The following ELOVL7 variants were observed in gnomAD, a reference collection of about 807,000 sequenced individuals.
ELOVL7 encodes the protein very long chain fatty acid elongase 7.
Under a neutral mutation model 35.7 loss-of-function variants are expected in ELOVL7, and 27 were observed. The ratio of observed to expected loss-of-function variants is 0.76; its 90% confidence interval spans 0.56 to 1.04. ELOVL7 has a LOEUF of 1.04. Among genes scored for constraint, ELOVL7 ranks in the 50% least tolerant of loss-of-function variants. ELOVL7 has a pLI of 0.00. For missense variants in ELOVL7, 327 were observed against 340.8 expected (o/e 0.96, Z 0.32); for synonymous variants, 113 against 114.6 (o/e 0.99, Z 0.09).
intron 4 of ELOVL7, among the ~76,000 whole-genome samples, chr5:60,770,776 C>A (rs1742532193): frequency 2.0e-5 from 3 of 152,180 alleles, no homozygotes; most frequent in Admixed American, 2.0e-4. Context: ...CGGCTCATTG[C>A]AGCCTTGACC....
rs1744701987 is a variant in ELOVL7, at chr5:60,802,436, A to G, written c.-85-3206T>C. Among the ~76,000 whole-genome samples the G allele has an allele frequency of 3.3e-5, 5 of 152,276 alleles. No homozygotes were observed. In the South Asian group the frequency reaches 1.0e-3, roughly 32 times the overall value. On this transcript the variant is annotated intron_variant, in intron 1 of 8. Coordinates refer to ENST00000508821, the MANE Select transcript of ELOVL7 (RefSeq NM_024930.3). ...TGACAACATGAGCAACAGGCATAAA[A>G]TACATGACAAAGGATTCAGTTAAAG...
chr5:60,767,898 C>G lies in ELOVL7; in HGVS notation c.261G>C (p.Val87=), dbSNP rs371579989. ...LFSVYMCYEF[V]MSGWGIGYSF... Reference sequence around the variant, plus strand: ...AATAACCTATACCCCAGCCAGACATCACAAACTGCAAGAGAGCACATGCAT... The same window carrying G: ...AATAACCTATACCCCAGCCAGACATGACAAACTGCAAGAGAGCACATGCAT... The change falls in exon 5 of 9, where the codon GTG becomes GTC. Residue 87 remains valine, a synonymous_variant. Transcript: ENST00000508821. 1.9e-6 allele frequency: 3 copies of G among 1,613,342 alleles called. No homozygotes were observed. Among genetic ancestry groups the G allele is most frequent in the African/African-American group, 2.7e-5 (2 of 75,020 alleles).
chr5:60,762,279 A>G (rs544497260), intron 7 of ELOVL7, among the ~76,000 whole-genome samples: 1 of 148,472 alleles, frequency 6.7e-6, no homozygotes, highest in East Asian at 2.0e-4. Context: ...ACCCTGGACA[A>G]CAAGAGTGAA....
intron 2 of ELOVL7, among the ~76,000 whole-genome samples, chr5:60,797,204 G>A (rs754790845): frequency 7.2e-5 from 11 of 152,062 alleles, no homozygotes; most frequent in Non-Finnish European, 1.5e-4. Flanking sequence ...GTGTGTATGC[G>A]GCAATATATA....
At chr5:60,839,266 G>T (rs780122936) in intron 1 of ELOVL7, among the ~76,000 whole-genome samples, 1 of 151,664 alleles carries the variant, frequency 6.6e-6, no homozygotes, top group Non-Finnish European at 1.5e-5. Flanking sequence ...GAGAATCACC[G>T]AACCTGGGAG....
intron 1 of ELOVL7, among the ~76,000 whole-genome samples, chr5:60,824,844 A>G (rs970127943): frequency 6.6e-6 from 1 of 152,082 alleles, no homozygotes; most frequent in Non-Finnish European, 1.5e-5. Flanking sequence ...AAATGCACCA[A>G]TATTTTCCCA....
At chr5:60,804,774 C>T (rs1273391038) in intron 1 of ELOVL7, among the ~76,000 whole-genome samples, 1 of 152,222 alleles carries the variant, frequency 6.6e-6, no homozygotes, top group Non-Finnish European at 1.5e-5. Flanking sequence ...TGCTCCATTT[C>T]TTAGGCCTTC....
chr5:60,755,937 G>A (rs1174900182), intron 8 of ELOVL7, among the ~76,000 whole-genome samples: 10 of 152,094 alleles, frequency 6.6e-5, no homozygotes. Flanking sequence ...TCATGGTTAA[G>A]ATTTTCATAT....
intron 1 of ELOVL7, among the ~76,000 whole-genome samples, chr5:60,802,174 T>C (rs1434202448): frequency 6.7e-6 from 1 of 149,182 alleles, no homozygotes; most frequent in East Asian, 1.9e-4. Context: ...AGGACTCTAA[T>C]ACAGACTTGT....
intron 2 of ELOVL7, among the ~76,000 whole-genome samples, chr5:60,796,293 C>G (rs1406152366): frequency 6.6e-6 from 1 of 152,192 alleles, no homozygotes; most frequent in Non-Finnish European, 1.5e-5. Flanking sequence ...AGGAAAGTGA[C>G]CAGCAGCTCT....
intron 1 of ELOVL7, among the ~76,000 whole-genome samples, chr5:60,841,372 A>G (rs976547804): frequency 2.6e-5 from 4 of 152,218 alleles, no homozygotes; most frequent in African/African-American, 4.8e-5. Flanking sequence ...GAAAATATGC[A>G]TAGAAAAAAA....
intron 3 of ELOVL7, among the ~76,000 whole-genome samples, chr5:60,781,275 T>A (rs1210560642): frequency 6.6e-6 from 1 of 151,876 alleles, no homozygotes; most frequent in African/African-American, 2.4e-5. Context: ...GGATGTTACA[T>A]CACCACCTTT....
At chr5:60,814,038 A>G (rs1745384813) in intron 1 of ELOVL7, among the ~76,000 whole-genome samples, 2 of 152,190 alleles carry the variant, frequency 1.3e-5, no homozygotes, top group African/African-American at 2.4e-5. Context: ...GAGATTCAAA[A>G]GCAAGGTGGC....
At chr5:60,826,106 C>T (rs1746155559) in intron 1 of ELOVL7, among the ~76,000 whole-genome samples, 1 of 152,036 alleles carries the variant, frequency 6.6e-6, no homozygotes, top group African/African-American at 2.4e-5. Flanking sequence ...TACATATACA[C>T]CAAATAGTAC....
intron 7 of ELOVL7, among the ~76,000 whole-genome samples, 200 bp downstream of exon 7, chr5:60,764,027 G>T (rs907435813): frequency 6.6e-6 from 1 of 152,076 alleles, no homozygotes; most frequent in Non-Finnish European, 1.5e-5. Flanking sequence ...CAGAAGTTAT[G>T]TATATCTAAA....
chr5:60,838,249 C>T (rs961964660), intron 1 of ELOVL7, among the ~76,000 whole-genome samples: 5 of 152,256 alleles, frequency 3.3e-5, no homozygotes, highest in Admixed American at 3.3e-4. Context: ...TCTCCCTGAT[C>T]GCACCTGCAC....
In ELOVL7 at chr5:60,827,353, A is replaced by G. The variant is rs1228101359; in HGVS notation, c.-86+16807T>C. Reference sequence around the variant, plus strand: ...TATTTCCTCAATGTAGGTTCCTCCAACTATGGCCCTTTCAAACAACAGCTG... The same window carrying G: ...TATTTCCTCAATGTAGGTTCCTCCAGCTATGGCCCTTTCAAACAACAGCTG... On this transcript the variant is annotated intron_variant, in intron 1 of 8. Transcript: ENST00000508821. Among the ~76,000 whole-genome samples the G allele has an allele frequency of 2.0e-5, 3 of 152,212 alleles. No homozygotes were observed. In the South Asian group the frequency reaches 6.2e-4, roughly 31 times the overall value.
rs770767910 is a variant in ELOVL7, at chr5:60,772,080, T to C, written c.78A>G (p.Glu26=). 1.7e-5 allele frequency: 27 copies of C among 1,607,632 alleles called. No homozygotes were observed. The change falls in exon 4 of 9, where the codon GAA becomes GAG. Residue 26 remains glutamate (E), a synonymous_variant. Coordinates refer to ENST00000508821, the MANE Select transcript of ELOVL7 (RefSeq NM_024930.3). ...NWIKDADPRV[E]DWLLMSSPLP... ...GAGGCGAGGACATGAGGAGCCAATC[T>C]TCAACTCTTGGATCTAAGAGAAAAA...
chr5:60,804,697 C>A (rs2112298597), intron 1 of ELOVL7, among the ~76,000 whole-genome samples: 1 of 152,304 alleles, frequency 6.6e-6, no homozygotes, highest in African/African-American at 2.4e-5. Context: ...TAAGAAATAT[C>A]TGCTGAATGA....
Sources: allele counts gnomAD v4.1 joint callset (sites outside exome capture counted in the v4.1 genomes callset), GRCh38; gene constraint gnomAD v4.1.1; transcripts MANE v1.5; gene names NCBI Gene and HGNC (gene_info 2026-07-23, HGNC 2026-07-21).